PRH2: variants seen among roughly 807,000 people sequenced by gnomAD.
PRH2 encodes the protein salivary acidic proline-rich phosphoprotein 1/2.
In PRH2, 19 loss-of-function variants were observed where a neutral mutation model predicts 22.6. The ratio of observed to expected loss-of-function variants is 0.84; its 90% CI spans 0.59 to 1.23. The LOEUF is 1.23. Among genes scored for constraint, PRH2 ranks in the 50% most tolerant of loss-of-function variants. PRH2 has a pLI of 0.00. For missense variants in PRH2, 109 were observed against 203.0 expected, an observed-to-expected ratio of 0.54 and a Z score of 2.81; for synonymous variants, 45 against 72.0, an observed-to-expected ratio of 0.63 and a Z score of 1.90.
rs1308643021 is a variant in PRH2 at position 10,931,018 on chromosome 12, G to T, written c.457G>T (p.Gly153Trp). Residue 153 changes from glycine to tryptophan, a missense_variant, in exon 3 of 4, where the codon GGG becomes TGG. Physicochemically the swap from Gly to Trp is radical, Grantham distance 184 (BLOSUM62 -2). Coordinates refer to ENST00000396400, the MANE Select transcript of PRH2 (RefSeq NM_001110213.1). ...PGKPQGPPPQ[G>W]GRPQGPPQGQ... The stretch of plus-strand genomic sequence containing the variant: ...AAAGCCCCAGGGACCACCTCCCCAA[G>T]GGGGCCGCCCACAAGGACCTCCACA... 3 of 1,593,546 alleles carry T rather than the reference G, an allele frequency of 1.9e-6. No homozygotes were observed. Among genetic ancestry groups the T allele is most frequent in the Non-Finnish European group, 1.7e-6 (2 of 1,171,626 alleles).
rs1420746500 is a variant in PRH2 at position 10,934,252 on chromosome 12, A to G, written c.*2045A>G. 6.6e-6 allele frequency among the ~76,000 whole-genome samples: 1 copy of G among 152,140 alleles called. No homozygotes were observed. Among genetic ancestry groups the G allele is most frequent in the Non-Finnish European group, 1.5e-5 (1 of 67,986 alleles). On this transcript the variant is annotated 3_prime_UTR_variant, in exon 4 of 4. Transcript: ENST00000396400. ...CCCCTAGTGATGTATTCTCTTCACCACAAGAGTTTGCAGCTCTGGCTTTCT... is the reference window on the plus strand; with the variant it reads ...CCCCTAGTGATGTATTCTCTTCACCGCAAGAGTTTGCAGCTCTGGCTTTCT...
At chr12:10,931,338 A>G (rs1299373781) in intron 3 of PRH2, among the ~76,000 whole-genome samples, 5 of 152,178 alleles carry the variant, frequency 3.3e-5, no homozygotes, top group African/African-American at 4.8e-5. Flanking sequence ...ACATAGAATC[A>G]TGTTCTCCCT....
rs748844681 is a variant in PRH2, at chr12:10,932,550, T to C, written c.*343T>C. Among the ~76,000 whole-genome samples the C allele has an allele frequency of 8.5e-5, 13 of 152,218 alleles. No individual in the cohort carries two copies. Among genetic ancestry groups the C allele is most frequent in the African/African-American group, 2.9e-4 (12 of 41,456 alleles). The stretch of plus-strand genomic sequence containing the variant: ...CAATTATTTTCAGGTCATTTCCTGA[T>C]AGTCTAGTCAGCTTATGAATGTAAG... On this transcript the variant is annotated 3_prime_UTR_variant, in exon 4 of 4. Transcript: ENST00000396400.
chr12:10,929,263 C>A lies in PRH2; in HGVS notation c.-11C>A. The stretch of plus-strand genomic sequence containing the variant: ...CATAAAGTTGGGAGTGACACCAGAG[C>A]CTTCTGCAAGATGCTTCTGATTCTG... On this transcript the variant is annotated 5_prime_UTR_variant, in exon 1 of 4. Transcript: ENST00000396400. The A allele has an allele frequency of 1.2e-6, 2 of 1,614,122 alleles. No homozygotes were observed. The highest frequency in any genetic ancestry group is 2.2e-5 in the East Asian group (1 of 44,860).
rs1950234468 is a variant in PRH2 at position 10,932,904 on chromosome 12, T to C, written c.*697T>C. ...GACTTTATAATGCAACCAGGAGTAT[T>C]GAAAAAAAAGTAAGCAATGAGCTCA... is the stretch of plus-strand genomic sequence containing the variant. On this transcript the variant is annotated 3_prime_UTR_variant, in exon 4 of 4. Coordinates refer to ENST00000396400, the MANE Select transcript of PRH2 (RefSeq NM_001110213.1). 6.6e-6 allele frequency among the ~76,000 whole-genome samples: 1 copy of C among 151,500 alleles called. No homozygotes were observed. The highest frequency in any genetic ancestry group is 6.6e-5 in the Admixed American group (1 of 15,220).
In PRH2 at chr12:10,934,732, A is replaced by C. The variant is rs1338496863; in HGVS notation, c.*2525A>C. ...TATTTTGCCCCAGACAGCTATCTGC[A>C]TTCTGATCCAGATACTGTATGTTCT... is the stretch of plus-strand genomic sequence containing the variant. On this transcript the variant is annotated 3_prime_UTR_variant, in exon 4 of 4. Transcript: ENST00000396400. 6.6e-6 allele frequency among the ~76,000 whole-genome samples: 1 copy of C among 152,166 alleles called. No homozygotes were observed. Among genetic ancestry groups the C allele is most frequent in the African/African-American group, 2.4e-5 (1 of 41,456 alleles).
Position 10,934,303 on chromosome 12 carries a change from C to T in PRH2, c.*2096C>T, listed in dbSNP as rs1794749106. On this transcript the variant is annotated 3_prime_UTR_variant, in exon 4 of 4. Transcript: ENST00000396400. The stretch of plus-strand genomic sequence containing the variant: ...TTCTGCTCATCTGTAAAGATAACTA[C>T]AGCTCCTCTATAAACCATCTCACCA... Among the ~76,000 whole-genome samples, 1 of 152,120 alleles carries T rather than the reference C, an allele frequency of 6.6e-6. No individual in the cohort carries two copies. The highest frequency in any genetic ancestry group is 1.5e-5 in the Non-Finnish European group (1 of 67,982).
chr12:10,932,314 C>A lies in PRH2; in HGVS notation c.*107C>A. 2.8e-6 allele frequency: 1 copy of A among 359,658 alleles called. No individual in the cohort carries two copies. The highest frequency in any genetic ancestry group is 6.2e-6 in the Non-Finnish European group (1 of 161,868). 22.3% of individuals were successfully genotyped at this position (359,658 alleles called of 1,614,324 possible). On this transcript the variant is annotated 3_prime_UTR_variant, in exon 4 of 4. Coordinates refer to ENST00000396400, the MANE Select transcript of PRH2 (RefSeq NM_001110213.1). ...TTCAATATACCAATAAAATAATCAG[C>A]TTGCAATTTCTGATTATAGCATCTC... is the stretch of plus-strand genomic sequence containing the variant.
At chr12:10,929,588 G>C (rs2135864015) in intron 1 of PRH2, among the ~76,000 whole-genome samples, 1 of 152,266 alleles carries the variant, frequency 6.6e-6, no homozygotes, top group East Asian at 1.9e-4. Context: ...CATTTATAGA[G>C]ACATGGGACT....
chr12:10,932,234 TAAG>T lies in PRH2; in HGVS notation c.*32_*34del, dbSNP rs772050485. 3 of 438,298 alleles carry T rather than the reference TAAG, an allele frequency of 6.8e-6. No homozygotes were observed. The highest frequency in any genetic ancestry group is 9.4e-6 in the Non-Finnish European group (2 of 213,154). 27.2% of individuals were successfully genotyped at this position (438,298 alleles called of 1,614,324 possible). A position where few individuals can be genotyped will look rare whatever the true frequency, so the allele number is the denominator to read the frequency against. On this transcript the variant is annotated 3_prime_UTR_variant, in exon 4 of 4. Transcript: ENST00000396400. ...TTCCTTGTCTTTTTCAGGAAGTGAATAAGAAGATGACAGTGTTTCAAATGCCTT... is the reference window on the plus strand; with the variant it reads ...TTCCTTGTCTTTTTCAGGAAGTGAATAAGATGACAGTGTTTCAAATGCCTT...
Position 10,934,270 on chromosome 12 carries a change from G to A in PRH2, c.*2063G>A, listed in dbSNP as rs1396918410. ...CTTCACCACAAGAGTTTGCAGCTCT[G>A]GCTTTCTTTCTGCTCATCTGTAAAG... On this transcript the variant is annotated 3_prime_UTR_variant, in exon 4 of 4. Transcript: ENST00000396400. Among the ~76,000 whole-genome samples, 1 of 152,040 alleles carries A rather than the reference G, an allele frequency of 6.6e-6. No individual in the cohort carries two copies. The highest frequency in any genetic ancestry group is 1.9e-4 in the East Asian group (1 of 5,194).
rs1443753753 is a variant in PRH2 at position 10,929,395 on chromosome 12, A to G, written c.64+58A>G. 10 of 1,601,436 alleles carry G rather than the reference A, an allele frequency of 6.2e-6. No homozygotes were observed. The African/African-American group carries it at 9.4e-5, about 15-fold the overall frequency. ...TGATTGGGGTTTACGGGCGAATGCT[A>G]TAGAGGGGGAAAGTGGAGGGAAGAG... On this transcript the variant is annotated intron_variant, in intron 1 of 3. Coordinates refer to ENST00000396400, the MANE Select transcript of PRH2 (RefSeq NM_001110213.1).
At position 10,931,278 on chromosome 12, in the gene PRH2, G is replaced by C. The variant is rs191155304; in HGVS notation, c.*18+198G>C. ...ATCTCTTGAAGGCAATTCCAATTTTGAGAATCACTATCTTCAAATTACCTC... is the reference window on the plus strand; with the variant it reads ...ATCTCTTGAAGGCAATTCCAATTTTCAGAATCACTATCTTCAAATTACCTC... On this transcript the variant is annotated intron_variant, in intron 3 of 3. Coordinates refer to ENST00000396400, the MANE Select transcript of PRH2 (RefSeq NM_001110213.1). 9.5e-6 allele frequency: 11 copies of C among 1,156,668 alleles called. No individual in the cohort carries two copies. The African/African-American group carries it at 1.7e-4, about 18-fold the overall frequency. 71.7% of individuals were successfully genotyped at this position (1,156,668 alleles called of 1,614,324 possible).
In PRH2 at chr12:10,932,988, A is replaced by T. The variant is rs540394332; in HGVS notation, c.*781A>T. 1.3e-5 allele frequency among the ~76,000 whole-genome samples: 2 copies of T among 152,322 alleles called. No homozygotes were observed. The highest frequency in any genetic ancestry group is 3.9e-4 in the East Asian group (2 of 5,190). On this transcript the variant is annotated 3_prime_UTR_variant, in exon 4 of 4. Transcript: ENST00000396400. ...GAGAACAGAAATAAGAATTAATGAA[A>T]ATTTAAAAGATTAAATGAATGAGAA...
chr12:10,930,166 G>T (rs1950182712), intron 1 of PRH2, 103 bp from the exon 2 acceptor site: 3 of 1,327,920 alleles, frequency 2.3e-6, no homozygotes, highest in Non-Finnish European at 3.2e-6. Flanking sequence ...TCTCAAAGGG[G>T]ATGCACAGGG....
In PRH2 at chr12:10,932,449, A is replaced by G; in HGVS notation, c.*242A>G. 1 of 193,012 alleles carries G rather than the reference A, an allele frequency of 5.2e-6. No individual in the cohort carries two copies. Among genetic ancestry groups the G allele is most frequent in the South Asian group, 1.0e-4 (1 of 9,920 alleles). 12.0% of individuals were successfully genotyped at this position (193,012 alleles called of 1,614,324 possible). The stretch of plus-strand genomic sequence containing the variant: ...GCAAGCTTCTTTCCTCCTTATCCTT[A>G]TTAAGTCATCTGCCTGGGGAAGGAG... On this transcript the variant is annotated 3_prime_UTR_variant, in exon 4 of 4. Transcript: ENST00000396400.
At chr12:10,930,496 G>T (rs867324938) in intron 2 of PRH2, among the ~76,000 whole-genome samples, 166 bp from the exon 3 acceptor site, 1 of 152,174 alleles carries the variant, frequency 6.6e-6, no homozygotes, top group Admixed American at 6.5e-5. Flanking sequence ...CCACCCTAAT[G>T]TGGATTAAGA....
Position 10,929,464 on chromosome 12 carries a change from A to G in PRH2, c.64+127A>G, listed in dbSNP as rs892477428. The G allele has an allele frequency of 4.4e-6, 5 of 1,140,058 alleles. No individual in the cohort carries two copies. In the African/African-American group the frequency reaches 4.6e-5, roughly 11 times the overall value. 70.6% of individuals were successfully genotyped at this position (1,140,058 alleles called of 1,614,324 possible). A position where few individuals can be genotyped will look rare whatever the true frequency, so the allele number is the denominator to read the frequency against. ...ATAGGACTGAAGAGTTCTCATGCCAAGGATCAGAAGACCTGTTGTGCCTTC... is the reference window on the plus strand; with the variant it reads ...ATAGGACTGAAGAGTTCTCATGCCAGGGATCAGAAGACCTGTTGTGCCTTC... On this transcript the variant is annotated intron_variant, in intron 1 of 3. Coordinates refer to ENST00000396400, the MANE Select transcript of PRH2 (RefSeq NM_001110213.1).
chr12:10,931,988 A>G (rs967560388), intron 3 of PRH2, among the ~76,000 whole-genome samples: 1 of 152,248 alleles, frequency 6.6e-6, no homozygotes, highest in Admixed American at 6.5e-5. Context: ...ACAGCCACAA[A>G]GCATGAACAA....
Sources: gnomAD v4.1 joint callset for allele counts (sites outside exome capture counted in the v4.1 genomes callset) on GRCh38, gnomAD v4.1.1 for gene constraint, MANE v1.5 for transcripts, NCBI Gene and HGNC (gene_info 2026-07-23, HGNC 2026-07-21) for gene names.